The following TOX2 variants were observed in gnomAD, a reference collection of about 807,000 sequenced individuals.
TOX2 encodes granulosa cell HMG box 1.
In TOX2, 15 loss-of-function variants were observed where a neutral mutation model predicts 47.4. The observed-to-expected ratio is 0.32, with a 90% CI of 0.21 to 0.49. The LOEUF (loss-of-function observed/expected upper bound fraction) is 0.49. Ranked by LOEUF, TOX2 falls within the 20% of genes least tolerant of loss-of-function variation. The pLI is 0.99. For synonymous variants in TOX2, 290 were observed against 296.6 expected, an observed-to-expected ratio of 0.98 and a Z score of 0.23; for missense variants, 622 against 673.1, an observed-to-expected ratio of 0.92 and a Z score of 0.84.
chr20:43,985,352 C>T lies in TOX2; in HGVS notation c.165+11920C>T, dbSNP rs11906848. ...AGTCACACCAATGCTGAGAGGGCCC[C>T]GCAATGAGGCTGGAAGCTGTGTGTC... is the stretch of plus-strand genomic sequence containing the variant. On this transcript the variant is annotated intron_variant, in intron 2 of 8. Transcript: ENST00000341197. Among the ~76,000 whole-genome samples the T allele has an allele frequency of 8.3e-3, 1,261 of 152,282 alleles. 11 individuals are homozygous for T. The highest frequency in any genetic ancestry group is 0.029 in the African/African-American group (1,198 of 41,546).
intron 1 of TOX2, among the ~76,000 whole-genome samples, chr20:43,931,767 A>G (rs924259988): frequency 6.6e-6 from 1 of 152,228 alleles, no homozygotes; most frequent in Admixed American, 6.5e-5. Flanking sequence ...GGGAGAATTG[A>G]TGATGGCTTG....
intron 3 of TOX2, among the ~76,000 whole-genome samples, chr20:44,012,019 A>G (rs76422747): frequency 0.012 from 1,817 of 152,346 alleles, 35 homozygotes; most frequent in African/African-American, 0.041. Flanking sequence ...TTCCAAGACA[A>G]AAAGAGTCAA....
chr20:44,017,498 A>G (rs545460431), intron 3 of TOX2, among the ~76,000 whole-genome samples: 1 of 152,338 alleles, frequency 6.6e-6, no homozygotes, highest in Non-Finnish European at 1.5e-5. Context: ...CCCCAAGAAC[A>G]TCACGATGGC....
chr20:43,965,942 AG>A (rs2069844414), intron 1 of TOX2, among the ~76,000 whole-genome samples: 1 of 152,234 alleles, frequency 6.6e-6, no homozygotes, highest in South Asian at 2.1e-4. Context: ...GTGACAGAGG[AG>A]ACAATGTCAT....
chr20:43,962,505 A>G (rs1412129316), intron 1 of TOX2, among the ~76,000 whole-genome samples: 1 of 152,184 alleles, frequency 6.6e-6, no homozygotes, highest in Non-Finnish European at 1.5e-5. Flanking sequence ...CAGCCTGCAA[A>G]CTGGCTTCAG....
At chr20:44,011,831 G>A (rs530162987) in intron 3 of TOX2, among the ~76,000 whole-genome samples, 7 of 152,336 alleles carry the variant, frequency 4.6e-5, no homozygotes, top group Admixed American at 2.0e-4. Context: ...AATTCTTTCC[G>A]GTCCCCTGCC....
intron 3 of TOX2, among the ~76,000 whole-genome samples, chr20:44,018,292 TCGAGGCTGAGTGCAAGGGCCAGG>T (rs1246521052): frequency 6.6e-6 from 1 of 152,168 alleles, no homozygotes. Context: ...ATCAGAGCAC[TCGAGGCTGAGTGCAAGGGCCAGG>T]TGTTTAACTT....
intron 3 of TOX2, among the ~76,000 whole-genome samples, chr20:44,032,705 G>A (rs190721985): frequency 2.0e-5 from 3 of 152,264 alleles, no homozygotes; most frequent in Admixed American, 6.5e-5. Context: ...GGGAGCACGG[G>A]GACTCCCCAC....
rs542385717 is a variant in TOX2, at chr20:43,953,330, G to A, written c.100-20037G>A. 1.2e-4 allele frequency among the ~76,000 whole-genome samples: 18 copies of A among 152,324 alleles called. No homozygotes were observed. The East Asian group carries it at 3.3e-3, about 28-fold the overall frequency. ...GTCAGAAAATCATTTGAGACCCAGT[G>A]CATAGAAGCCGCCTCTGTCTGCTCA... On this transcript the variant is annotated intron_variant, in intron 1 of 8. Coordinates refer to ENST00000341197, the MANE Select transcript of TOX2 (RefSeq NM_001098797.2).
In TOX2 at chr20:43,992,350, C is replaced by T. The variant is rs763082092; in HGVS notation, c.166-14197C>T. The stretch of plus-strand genomic sequence containing the variant: ...TCAGGAGTGATCGTGTAGGAGCGAT[C>T]GTGTAGGAGCCAGGATACCCCTACC... On this transcript the variant is annotated intron_variant, in intron 2 of 8. Transcript: ENST00000341197. Among the ~76,000 whole-genome samples, 16 of 152,208 alleles carry T rather than the reference C, an allele frequency of 1.1e-4. No individual in the cohort carries two copies. In the East Asian group the frequency reaches 1.7e-3, roughly 17 times the overall value.
Position 44,015,006 on chromosome 20 carries a change from C to T in TOX2, c.411+8214C>T, listed in dbSNP as rs1042357042. Among the ~76,000 whole-genome samples, 5 of 152,260 alleles carry T rather than the reference C, an allele frequency of 3.3e-5. 1 individual carries two copies. In the East Asian group the frequency reaches 7.7e-4, roughly 24 times the overall value. ...CCCAAGACGCAATGCTTCTTGGCAT[C>T]GTGACCAAGGGAAGGATCCATCTTA... On this transcript the variant is annotated intron_variant, in intron 3 of 8. Transcript: ENST00000341197.
At chr20:43,976,921 TCACAGCCA>T (rs2070090123) in intron 2 of TOX2, among the ~76,000 whole-genome samples, 5 of 152,174 alleles carry the variant, frequency 3.3e-5, no homozygotes, top group Non-Finnish European at 7.4e-5. Flanking sequence ...AATGAAGCCC[TCACAGCCA>T]CTAGAGGATT....
chr20:43,923,767 C>T (rs73908113), intron 1 of TOX2, among the ~76,000 whole-genome samples: 13,458 of 152,112 alleles, frequency 0.088, 812 homozygotes, highest in African/African-American at 0.17. Flanking sequence ...GAGAGTTGCT[C>T]GTGGAAGGTT....
intron 1 of TOX2, among the ~76,000 whole-genome samples, chr20:43,926,216 C>T (rs897302547): frequency 6.6e-6 from 1 of 152,096 alleles, no homozygotes; most frequent in Non-Finnish European, 1.5e-5. Context: ...CCCTTTATGT[C>T]TCATTTATTC....
chr20:44,048,093 C>A (rs998510710), intron 3 of TOX2, among the ~76,000 whole-genome samples: 3 of 151,930 alleles, frequency 2.0e-5, no homozygotes, highest in Non-Finnish European at 4.4e-5. Flanking sequence ...GTGACATGCA[C>A]CTGTAATTCC....
At chr20:44,002,772 G>C (rs2070607038) in intron 2 of TOX2, among the ~76,000 whole-genome samples, 1 of 152,186 alleles carries the variant, frequency 6.6e-6, no homozygotes, top group Non-Finnish European at 1.5e-5. Flanking sequence ...ATGAGAGAGA[G>C]AGAGGGGAAG....
At chr20:43,927,458 A>AAC (rs34410581) in intron 1 of TOX2, among the ~76,000 whole-genome samples, 7,009 of 131,158 alleles carry the variant, frequency 0.053, 256 homozygotes, top group Non-Finnish European at 0.07. Context: ...TGATCTATAT[A>AAC]ACACACACAC....
At chr20:43,951,353 T>A (rs1420458986) in intron 1 of TOX2, among the ~76,000 whole-genome samples, 1 of 152,100 alleles carries the variant, frequency 6.6e-6, no homozygotes, top group Non-Finnish European at 1.5e-5. Context: ...GGCGGGTGGA[T>A]CACTTGAGTA....
At chr20:44,020,679 C>G (rs1347624015) in intron 3 of TOX2, among the ~76,000 whole-genome samples, 1 of 152,146 alleles carries the variant, frequency 6.6e-6, no homozygotes, top group Non-Finnish European at 1.5e-5. Context: ...AGGCCCCTCC[C>G]TAGACCTGGT....
Sources: allele counts gnomAD v4.1 joint callset (sites outside exome capture counted in the v4.1 genomes callset), GRCh38; gene constraint gnomAD v4.1.1; transcripts MANE v1.5; gene names NCBI Gene and HGNC (gene_info 2026-07-23, HGNC 2026-07-21).